The following NF1 variants were observed in gnomAD, a reference collection of about 807,000 sequenced individuals.
NF1 encodes neurofibromin.
NF1 carries 122 observed loss-of-function variants against 325.7 expected under a neutral mutation model. The observed-to-expected ratio is 0.37, with a 90% CI of 0.32 to 0.44. The LOEUF (loss-of-function observed/expected upper bound fraction) is 0.44, where lower values mean the gene tolerates loss of function less well. NF1 is among the 20% of genes least tolerant of loss of function. NF1 has a pLI of 1.00. For synonymous variants in NF1, 1,091 were observed against 1,186.0 expected, an observed-to-expected ratio of 0.92 and a Z score of 1.65; for missense variants, 2,140 against 3,415.4, an observed-to-expected ratio of 0.63 and a Z score of 9.31.
rs587781821 is a variant in NF1, at chr17:31,225,104, A to G, written c.1855A>G (p.Arg619Gly). ...KFLLKNKQAD[R>G]SSCHFLLFYG... Reference sequence around the variant, plus strand: ...ATTTATTTTTTTCTAGCAGGCAGATAGAAGTTCCTGTCACTTTCTCCTTTT... The same window carrying G: ...ATTTATTTTTTTCTAGCAGGCAGATGGAAGTTCCTGTCACTTTCTCCTTTT... The change falls in exon 17 of 58, where the codon AGA becomes GGA. Residue 619 changes from arginine (R) to glycine (G), a missense_variant. By Grantham distance (125) the Arg-to-Gly change is moderately radical. Around this residue, in one of 10 missense-constraint regions of NF1, gnomAD observed 45 missense variants for 42.5 expected, o/e 1.06. Transcript: ENST00000358273. 1 of 1,613,656 alleles carries G rather than the reference A, an allele frequency of 6.2e-7. No homozygotes were observed. The highest frequency in any genetic ancestry group is 1.3e-5 in the African/African-American group (1 of 75,016).
intron 23 of NF1, 143 bp downstream of exon 23, chr17:31,230,525 C>A: frequency 9.6e-7 from 1 of 1,045,568 alleles, no homozygotes; most frequent in Non-Finnish European, 1.4e-6. Context: ...CTCTACATCT[C>A]TTCTCAAATT....
intron 36 of NF1, among the ~76,000 whole-genome samples, chr17:31,293,235 G>T (rs1423834376): frequency 7.2e-6 from 1 of 138,420 alleles, no homozygotes; most frequent in African/African-American, 2.6e-5. Context: ...TGTGAAAGTC[G>T]GTGTATATGT....
intron 5 of NF1, among the ~76,000 whole-genome samples, chr17:31,170,252 A>G (rs565303371): frequency 6.6e-6 from 1 of 152,242 alleles, no homozygotes; most frequent in Non-Finnish European, 1.5e-5. Flanking sequence ...TTTTCAATAC[A>G]GAGAATGCAA....
intron 29 of NF1, among the ~76,000 whole-genome samples, chr17:31,239,872 C>G (rs1252234758): frequency 6.6e-6 from 1 of 152,140 alleles, no homozygotes. Context: ...AAGCAATTCT[C>G]CTTGCCTCAG....
intron 1 of NF1, among the ~76,000 whole-genome samples, chr17:31,098,291 A>C (rs982945232): frequency 2.0e-5 from 3 of 150,548 alleles, no homozygotes; most frequent in African/African-American, 7.5e-5. Flanking sequence ...ATGCTTGACC[A>C]TCAGGGAGAT....
At chr17:31,249,848 T>G in intron 30 of NF1, 1 of 418,860 alleles carries the variant, frequency 2.4e-6, no homozygotes, top group East Asian at 5.6e-5. Flanking sequence ...TTTTGGAAAC[T>G]GTGATTCTGG....
intron 13 of NF1, among the ~76,000 whole-genome samples, chr17:31,216,640 A>G (rs1435015097): frequency 3.9e-5 from 6 of 152,070 alleles, no homozygotes; most frequent in Non-Finnish European, 8.8e-5. Flanking sequence ...TTAAAAAGCA[A>G]ATCTTATTAT....
chr17:31,228,687 G>T (rs187332383), intron 20 of NF1, among the ~76,000 whole-genome samples: 14 of 151,820 alleles, frequency 9.2e-5, no homozygotes, highest in African/African-American at 3.4e-4. Flanking sequence ...TGTCTTTGTA[G>T]ATTTGCCTAT....
Position 31,317,403 on chromosome 17 carries a change from A to ACC in NF1, c.4836-8414_4836-8413dup, listed in dbSNP as rs1555626469. ...CACACACACACACACACACACACAC[A>ACC]CCCCTAATAAATCATTAGGCTACTT... On this transcript the variant is annotated intron_variant, in intron 36 of 57. Coordinates refer to ENST00000358273, the MANE Select transcript of NF1 (RefSeq NM_001042492.3). 3.1e-3 allele frequency among the ~76,000 whole-genome samples: 457 copies of ACC among 147,280 alleles called. 8 individuals carry two copies. The highest frequency in any genetic ancestry group is 0.031 in the South Asian group (145 of 4,732).
At chr17:31,277,629 A>G (rs755266356) in intron 36 of NF1, among the ~76,000 whole-genome samples, 21 of 152,162 alleles carry the variant, frequency 1.4e-4, no homozygotes, top group Non-Finnish European at 2.2e-4. Context: ...CAGCTGGCCC[A>G]TAGGGAATAC....
chr17:31,206,245 A>G lies in NF1; in HGVS notation c.1266A>G (p.Ala422=), dbSNP rs1555611565. 2 of 1,613,722 alleles carry G rather than the reference A, an allele frequency of 1.2e-6. No individual in the cohort carries two copies. Among genetic ancestry groups the G allele is most frequent in the Non-Finnish European group, 1.7e-6 (2 of 1,179,702 alleles). Residue 422 remains alanine, a synonymous_variant, in exon 12 of 58, where the codon GCA becomes GCG. Coordinates refer to ENST00000358273, the MANE Select transcript of NF1 (RefSeq NM_001042492.3). ...TGGTCTTTGTTTTTCTCTAGTCCGC[A>G]TTGGATTGGTGGCCTAAGATTGATG... is the stretch of plus-strand genomic sequence containing the variant. ...NSLHRIITNS[A]LDWWPKIDAV... is the part of the protein sequence containing the mutation.
intron 36 of NF1, among the ~76,000 whole-genome samples, chr17:31,288,802 T>C (rs571457637): frequency 1.3e-5 from 2 of 152,302 alleles, no homozygotes; most frequent in South Asian, 4.1e-4. Context: ...TTATTGAGGT[T>C]ACAGGTGTGA....
intron 13 of NF1, among the ~76,000 whole-genome samples, chr17:31,217,461 G>A (rs1306049475): frequency 1.3e-5 from 2 of 151,562 alleles, no homozygotes; most frequent in African/African-American, 2.4e-5. Flanking sequence ...ACAAGCACCC[G>A]CCACCAAACC....
chr17:31,282,344 A>G (rs2068136722), intron 36 of NF1, among the ~76,000 whole-genome samples: 2 of 150,882 alleles, frequency 1.3e-5, no homozygotes, highest in Middle Eastern at 3.4e-3. Context: ...ATAGCGCCAC[A>G]GCACTCAAGC....
chr17:31,184,437 C>T (rs978132497), intron 8 of NF1, among the ~76,000 whole-genome samples: 1 of 151,688 alleles, frequency 6.6e-6, no homozygotes, highest in Non-Finnish European at 1.5e-5. Context: ...ATCACGAGGT[C>T]AGGAGATCGA....
Position 31,235,731 on chromosome 17 carries a change from G to A in NF1, c.3829G>A (p.Gly1277Ser), listed in dbSNP as rs2151437990. The part of the protein sequence containing the change: ...LADSMQTLFR[G>S]NSLASKIMTF... ...AGACTCCATGCAGACTCTCTTCCGA[G>A]GCAACAGCTTGGCCAGTAAAATAAT... The change falls in exon 28 of 58, where the codon GGC becomes AGC. Residue 1277 changes from glycine (G) to serine (S), a missense_variant. Gly to Ser is a moderately conservative substitution (Grantham distance 56). Transcript: ENST00000358273. 1.9e-6 allele frequency: 3 copies of A among 1,614,062 alleles called. No homozygotes were observed. Among genetic ancestry groups the A allele is most frequent in the Non-Finnish European group, 1.7e-6 (2 of 1,180,010 alleles).
chr17:31,122,902 C>A (rs1914556632), intron 1 of NF1, among the ~76,000 whole-genome samples: 2 of 151,960 alleles, frequency 1.3e-5, no homozygotes, highest in Admixed American at 1.3e-4. Context: ...ATGATGAGTC[C>A]AAGTTTATTT....
At chr17:31,243,529 A>ATT (rs1405212849) in intron 29 of NF1, among the ~76,000 whole-genome samples, 1 of 151,466 alleles carries the variant, frequency 6.6e-6, no homozygotes. Flanking sequence ...GCTGTAAGAC[A>ATT]AAGTCCTTCC....
chr17:31,343,617 G>C (rs1377482458), intron 48 of NF1, among the ~76,000 whole-genome samples: 1 of 152,086 alleles, frequency 6.6e-6, no homozygotes, highest in African/African-American at 2.4e-5. Flanking sequence ...TGTTTTAAGA[G>C]AGCTTCATTT....
Sources: allele counts gnomAD v4.1 joint callset (sites outside exome capture counted in the v4.1 genomes callset), GRCh38; gene constraint gnomAD v4.1.1; regional missense constraint gnomAD v4.1.1; transcripts MANE v1.5; gene names NCBI Gene and HGNC (gene_info 2026-07-23, HGNC 2026-07-21).